CHSY3: variants seen among roughly 807,000 people sequenced by gnomAD.
CHSY3 encodes the protein chondroitin sulfate synthase 3.
In CHSY3, 35 loss-of-function variants were observed where a neutral mutation model predicts 67.2. That is an observed-to-expected ratio of 0.52 (90% CI 0.40 to 0.69). The LOEUF is 0.69. Among genes scored for constraint, CHSY3 ranks in the 30% least tolerant of loss-of-function variants. The probability of loss-of-function intolerance (pLI) is 0.00; values close to 1 mark genes in which losing one functional copy is unlikely to be tolerated. For synonymous variants in CHSY3, 474 were observed against 434.7 expected, an observed-to-expected ratio of 1.09 and a Z score of -1.12; for missense variants, 1,069 against 1,138.5, an observed-to-expected ratio of 0.94 and a Z score of 0.88.
At chr5:129,976,995 C>T (rs1413687007) in intron 2 of CHSY3, among the ~76,000 whole-genome samples, 1 of 151,400 alleles carries the variant, frequency 6.6e-6, no homozygotes, top group Non-Finnish European at 1.5e-5. Context: ...CAATACTAGC[C>T]TAAAATTTTC....
chr5:130,023,307 G>A (rs1764444952), intron 2 of CHSY3, among the ~76,000 whole-genome samples: 1 of 151,874 alleles, frequency 6.6e-6, no homozygotes, highest in South Asian at 2.1e-4. Flanking sequence ...CAATGGTAAG[G>A]GATTTTTGAG....
intron 2 of CHSY3, among the ~76,000 whole-genome samples, chr5:129,922,248 A>T (rs1301336608): frequency 6.6e-6 from 1 of 152,204 alleles, no homozygotes; most frequent in African/African-American, 2.4e-5. Context: ...ATGGATACTT[A>T]GGTTGATCCC....
intron 2 of CHSY3, among the ~76,000 whole-genome samples, chr5:130,025,926 T>C (rs538767811): frequency 2.0e-5 from 3 of 152,224 alleles, no homozygotes; most frequent in Non-Finnish European, 4.4e-5. Context: ...TTGACCACCA[T>C]TGAGAATGGA....
intron 2 of CHSY3, among the ~76,000 whole-genome samples, chr5:130,113,988 C>T (rs1184005203): frequency 6.6e-6 from 1 of 152,098 alleles, no homozygotes; most frequent in Non-Finnish European, 1.5e-5. Flanking sequence ...TACTTTTCTG[C>T]TTTATGCCAA....
At position 130,184,544 on chromosome 5, in the gene CHSY3, T is replaced by G. The variant is rs748268643; in HGVS notation, c.1402T>G (p.Phe468Val). ...RERNEVIEWE[F>V]LTGKLLYSAA... Reference sequence around the variant, plus strand: ...GAGAAATGAAGTGATAGAATGGGAGTTCCTGACAGGGAAGCTTCTATACTC... The same window carrying G: ...GAGAAATGAAGTGATAGAATGGGAGGTCCTGACAGGGAAGCTTCTATACTC... The change falls in exon 3 of 3, where the codon TTC becomes GTC. Residue 468 changes from phenylalanine (F) to valine (V), a missense_variant. Physicochemically the swap from Phe to Val is conservative, Grantham distance 50. Coordinates refer to ENST00000305031, the MANE Select transcript of CHSY3 (RefSeq NM_175856.5). 4 of 1,610,768 alleles carry G rather than the reference T, an allele frequency of 2.5e-6. No homozygotes were observed. The highest frequency in any genetic ancestry group is 2.5e-6 in the Non-Finnish European group (3 of 1,177,028).
At chr5:129,952,708 G>A (rs1762057264) in intron 2 of CHSY3, among the ~76,000 whole-genome samples, 1 of 152,124 alleles carries the variant, frequency 6.6e-6, no homozygotes, top group African/African-American at 2.4e-5. Flanking sequence ...GCATCCACTA[G>A]GAAAGCACTT....
At chr5:130,159,261 C>G (rs868810927) in intron 2 of CHSY3, among the ~76,000 whole-genome samples, 2 of 145,136 alleles carry the variant, frequency 1.4e-5, no homozygotes, top group African/African-American at 5.1e-5. Context: ...CCTCCCAGGG[C>G]TCAGGTGATC....
At chr5:130,099,930 A>G (rs1767173538) in intron 2 of CHSY3, among the ~76,000 whole-genome samples, 1 of 152,168 alleles carries the variant, frequency 6.6e-6, no homozygotes. Context: ...TAATGTAATG[A>G]ATGTGTCTCA....
At chr5:130,086,632 T>G (rs565890628) in intron 2 of CHSY3, among the ~76,000 whole-genome samples, 3 of 152,022 alleles carry the variant, frequency 2.0e-5, no homozygotes, top group East Asian at 1.9e-4. Context: ...ATGGATAAAT[T>G]CCTCGACACA....
At chr5:129,918,834 G>A (rs1288731666) in intron 2 of CHSY3, among the ~76,000 whole-genome samples, 4 of 150,464 alleles carry the variant, frequency 2.7e-5, no homozygotes, top group Admixed American at 6.6e-5. Context: ...TTGGCCGGGC[G>A]CGGTGGCTCA....
At position 130,168,195 on chromosome 5, in the gene CHSY3, C is replaced by T. The variant is rs746509590; in HGVS notation, c.1087-16034C>T. On this transcript the variant is annotated intron_variant, in intron 2 of 2. Coordinates refer to ENST00000305031, the MANE Select transcript of CHSY3 (RefSeq NM_175856.5). ...ACCTTGTTTCCATGCAGCTGGCAAA[C>T]GCCTTCATTGGGCTTTGCTGTCATT... Among the ~76,000 whole-genome samples, 6 of 152,112 alleles carry T rather than the reference C, an allele frequency of 3.9e-5. No individual in the cohort carries two copies. In the South Asian group the frequency reaches 6.2e-4, roughly 16 times the overall value.
chr5:130,184,884 A>C lies in CHSY3; in HGVS notation c.1742A>C (p.Asn581Thr). The change falls in exon 3 of 3, where the codon AAC becomes ACC. Residue 581 changes from asparagine to threonine, a missense_variant. Around this residue, in one of 5 missense-constraint regions of CHSY3, gnomAD observed 401 missense variants for 395.2 expected, o/e 1.01. Transcript: ENST00000305031. ...FFRETEELDV[N>T]SLVESINSET... ...AGAGAGACCGAAGAGCTAGATGTCA[A>C]CAGTCTTGTGGAGAGTATTAACAGT... The C allele has an allele frequency of 6.4e-7, 1 of 1,572,984 alleles. No homozygotes were observed. The highest frequency in any genetic ancestry group is 8.8e-7 in the Non-Finnish European group (1 of 1,142,530).
intron 2 of CHSY3, among the ~76,000 whole-genome samples, chr5:130,116,136 T>G (rs1036436161): frequency 6.6e-6 from 1 of 152,142 alleles, no homozygotes; most frequent in Non-Finnish European, 1.5e-5. Context: ...TTCTGAAAAA[T>G]CCTTTCTGGG....
At chr5:130,085,982 T>A (rs1048550963) in intron 2 of CHSY3, among the ~76,000 whole-genome samples, 50 of 152,280 alleles carry the variant, frequency 3.3e-4, no homozygotes, top group Admixed American at 1.0e-3. Flanking sequence ...AGACAGTTTG[T>A]TATAATTTCC....
intron 2 of CHSY3, among the ~76,000 whole-genome samples, chr5:130,014,553 A>C (rs1764158656): frequency 6.6e-6 from 1 of 152,182 alleles, no homozygotes; most frequent in Non-Finnish European, 1.5e-5. Flanking sequence ...CTCACTCACT[A>C]TCATGAGAAC....
At chr5:130,160,455 T>A (rs1176991770) in intron 2 of CHSY3, among the ~76,000 whole-genome samples, 2 of 152,314 alleles carry the variant, frequency 1.3e-5, no homozygotes, top group East Asian at 1.9e-4. Flanking sequence ...CAGAGACCTA[T>A]CTCCTTCCCT....
intron 2 of CHSY3, among the ~76,000 whole-genome samples, chr5:130,116,510 G>A (rs896669082): frequency 6.6e-6 from 1 of 152,194 alleles, no homozygotes; most frequent in Non-Finnish European, 1.5e-5. Flanking sequence ...AACTTTAATA[G>A]TCTGAGCAAG....
At chr5:130,054,539 G>A (rs891008909) in intron 2 of CHSY3, among the ~76,000 whole-genome samples, 4 of 152,032 alleles carry the variant, frequency 2.6e-5, no homozygotes, top group African/African-American at 4.8e-5. Context: ...CCATGTGCTG[G>A]CCCTGTGATA....
chr5:130,123,213 G>T (rs865781767), intron 2 of CHSY3, among the ~76,000 whole-genome samples: 20 of 151,960 alleles, frequency 1.3e-4, no homozygotes, highest in African/African-American at 3.9e-4. Flanking sequence ...CATTTCTATT[G>T]AGCCCCAAAT....
Sources: allele counts gnomAD v4.1 joint callset (sites outside exome capture counted in the v4.1 genomes callset), GRCh38; gene constraint gnomAD v4.1.1; regional missense constraint gnomAD v4.1.1; transcripts MANE v1.5; gene names NCBI Gene and HGNC (gene_info 2026-07-23, HGNC 2026-07-21).